The following ADAMTS6 variants were observed in gnomAD, a reference collection of about 807,000 sequenced individuals.
ADAMTS6 encodes the protein ADAM metallopeptidase with thrombospondin type 1 motif 6.
ADAMTS6 carries 23 observed loss-of-function variants against 144.3 expected under a neutral mutation model. The ratio of observed to expected loss-of-function variants is 0.16; its 90% CI spans 0.11 to 0.23. The LOEUF (loss-of-function observed/expected upper bound fraction) is 0.23, where lower values mean the gene tolerates loss of function less well. ADAMTS6 is among the 10% of genes least tolerant of loss of function. ADAMTS6 has a pLI of 1.00. For missense variants in ADAMTS6, 999 were observed against 1,379.6 expected, an observed-to-expected ratio of 0.72 and a Z score of 4.37; for synonymous variants, 444 against 457.5, an observed-to-expected ratio of 0.97 and a Z score of 0.38.
At chr5:65,452,075 C>A (rs1758784874) in intron 6 of ADAMTS6, 58 bp downstream of exon 6, 2 of 1,255,146 alleles carry the variant, frequency 1.6e-6, no homozygotes, top group Non-Finnish European at 1.1e-6. Context: ...ATAAGTAATT[C>A]TATAGCTCTA....
intron 9 of ADAMTS6, among the ~76,000 whole-genome samples, chr5:65,307,133 A>C (rs541989389): frequency 6.6e-6 from 1 of 152,310 alleles, no homozygotes; most frequent in South Asian, 2.1e-4. Context: ...TGAAATCGTT[A>C]ATAGTTTGAT....
intron 7 of ADAMTS6, among the ~76,000 whole-genome samples, chr5:65,378,843 C>G (rs1751785667): frequency 6.6e-6 from 1 of 152,082 alleles, no homozygotes; most frequent in Non-Finnish European, 1.5e-5. Context: ...AAGTCATTCT[C>G]TGTGCTTCTT....
At chr5:65,406,741 C>T (rs1481980220) in intron 7 of ADAMTS6, among the ~76,000 whole-genome samples, 1 of 151,880 alleles carries the variant, frequency 6.6e-6, no homozygotes, top group Admixed American at 6.6e-5. Context: ...CTCCTTGTAC[C>T]TCTGGTTAGA....
intron 9 of ADAMTS6, among the ~76,000 whole-genome samples, chr5:65,321,301 T>C (rs908693376): frequency 6.6e-6 from 1 of 152,186 alleles, no homozygotes; most frequent in Non-Finnish European, 1.5e-5. Flanking sequence ...TAATTATCAG[T>C]GATGTTGAGC....
intron 11 of ADAMTS6, among the ~76,000 whole-genome samples, chr5:65,283,426 T>G (rs912539345): frequency 5.3e-5 from 8 of 151,514 alleles, no homozygotes; most frequent in Non-Finnish European, 1.0e-4. Flanking sequence ...ATCACCAACT[T>G]AAAAGTATTC....
intron 7 of ADAMTS6, among the ~76,000 whole-genome samples, chr5:65,399,350 T>C (rs1244649392): frequency 2.0e-5 from 3 of 152,212 alleles, no homozygotes; most frequent in Admixed American, 6.5e-5. Context: ...ATTGGTGCAT[T>C]TGGAGCATTG....
At chr5:65,184,698 T>C (rs1440183579) in intron 22 of ADAMTS6, among the ~76,000 whole-genome samples, 1 of 152,072 alleles carries the variant, frequency 6.6e-6, no homozygotes, top group Non-Finnish European at 1.5e-5. Flanking sequence ...AAAGTCCAAA[T>C]AGCCTGGGTG....
chr5:65,405,383 C>T (rs1299345496), intron 7 of ADAMTS6, among the ~76,000 whole-genome samples: 10 of 152,198 alleles, frequency 6.6e-5, no homozygotes, highest in Non-Finnish European at 1.0e-4. Context: ...GTTTTCCCAG[C>T]ACCATTTACT....
intron 11 of ADAMTS6, among the ~76,000 whole-genome samples, chr5:65,290,743 T>C (rs1742220988): frequency 6.6e-6 from 1 of 152,198 alleles, no homozygotes; most frequent in South Asian, 2.1e-4. Context: ...TTTTCTGATG[T>C]AGACACTGTG....
chr5:65,151,733 A>C lies in ADAMTS6; in HGVS notation c.*103T>G. 1 of 971,200 alleles carries C rather than the reference A, an allele frequency of 1.0e-6. No homozygotes were observed. The highest frequency in any genetic ancestry group is 1.6e-6 in the Non-Finnish European group (1 of 622,596). The allele number at this position is 971,200 out of a possible 1,614,324, so 60.2% of individuals were successfully genotyped here. On this transcript the variant is annotated 3_prime_UTR_variant, in exon 25 of 25. Transcript: ENST00000381055. ...CCAGTGGTTACGTTTTCCACAGGGT[A>C]ATGCATTTGCAAGGACATCAATCCT...
At chr5:65,236,354 C>T (rs997555469) in intron 15 of ADAMTS6, among the ~76,000 whole-genome samples, 1 of 152,152 alleles carries the variant, frequency 6.6e-6, no homozygotes, top group Non-Finnish European at 1.5e-5. Context: ...GTGGTGTGAT[C>T]ATAGCTCACT....
chr5:65,252,342 T>C (rs1760245409), intron 14 of ADAMTS6, among the ~76,000 whole-genome samples: 1 of 150,880 alleles, frequency 6.6e-6, no homozygotes, highest in African/African-American at 2.4e-5. Flanking sequence ...TGAGATGGAG[T>C]CGCGCTCTGT....
chr5:65,446,551 G>A (rs908590444), intron 7 of ADAMTS6, among the ~76,000 whole-genome samples: 2 of 152,132 alleles, frequency 1.3e-5, no homozygotes, highest in African/African-American at 4.8e-5. Flanking sequence ...AACTGTACAA[G>A]TATAATAATT....
intron 10 of ADAMTS6, among the ~76,000 whole-genome samples, chr5:65,293,849 T>C (rs964826871): frequency 4.6e-5 from 7 of 152,206 alleles, no homozygotes; most frequent in Non-Finnish European, 1.0e-4. Flanking sequence ...TTTGTATTAA[T>C]GTAGTCTAGA....
At chr5:65,232,183 C>T (rs1758301550) in intron 15 of ADAMTS6, among the ~76,000 whole-genome samples, 1 of 152,024 alleles carries the variant, frequency 6.6e-6, no homozygotes, top group Non-Finnish European at 1.5e-5. Context: ...AATAGAAACA[C>T]AGCATTCCAA....
chr5:65,279,476 C>T (rs970684130), intron 11 of ADAMTS6, among the ~76,000 whole-genome samples: 2 of 152,066 alleles, frequency 1.3e-5, no homozygotes, highest in African/African-American at 2.4e-5. Flanking sequence ...GCCACCATGC[C>T]TGGCTAATTT....
rs772871738 is a variant in ADAMTS6, at chr5:65,170,778, ATC to A, written c.3088-7_3088-6del. 1 of 1,606,174 alleles carries A rather than the reference ATC, an allele frequency of 6.2e-7. No homozygotes were observed. The highest frequency in any genetic ancestry group is 1.1e-5 in the South Asian group (1 of 90,370). On this transcript the variant is annotated splice_polypyrimidine_tract_variant and splice_region_variant and intron_variant, in intron 23 of 24. Coordinates refer to ENST00000381055, the MANE Select transcript of ADAMTS6 (RefSeq NM_197941.4). The stretch of plus-strand genomic sequence containing the variant: ...AAGGCCACACTGAGCAGAACACTAA[ATC>A]CAAAGACACAAAGAAACAAAATATT...
At chr5:65,176,500 G>A (rs924610132) in intron 22 of ADAMTS6, among the ~76,000 whole-genome samples, 12 of 152,128 alleles carry the variant, frequency 7.9e-5, no homozygotes, top group Admixed American at 5.9e-4. Context: ...GTTTTAAAAC[G>A]TTAATTGTAA....
chr5:65,342,989 C>A (rs34223022), intron 7 of ADAMTS6, among the ~76,000 whole-genome samples: 1 of 151,694 alleles, frequency 6.6e-6, no homozygotes, highest in Admixed American at 6.6e-5. Flanking sequence ...TAAATTTAAC[C>A]GAGGAGGTGA....
Sources: gnomAD v4.1 joint callset for allele counts (sites outside exome capture counted in the v4.1 genomes callset) on GRCh38, gnomAD v4.1.1 for gene constraint, MANE v1.5 for transcripts, NCBI Gene and HGNC (gene_info 2026-07-23, HGNC 2026-07-21) for gene names.